Variants in ARHGAP11B observed in about 807,000 individuals in gnomAD.
The protein encoded by ARHGAP11B is Rho GTPase activating protein 11B, also known as inactive Rho GTPase-activating protein 11B.
In ARHGAP11B, 14 loss-of-function variants were observed where a neutral mutation model predicts 27.6. The observed-to-expected ratio is 0.51, with a 90% CI of 0.34 to 0.79. ARHGAP11B has a LOEUF of 0.79. Ranked by LOEUF, ARHGAP11B falls within the 30% of genes least tolerant of loss-of-function variation. ARHGAP11B has a pLI of 0.02. For synonymous variants in ARHGAP11B, 82 were observed against 114.1 expected (o/e 0.72, Z 1.80); for missense variants, 245 against 320.1 (o/e 0.77, Z 1.79).
intron 2 of ARHGAP11B, 43 bp from the exon 3 acceptor site, chr15:30,633,447 T>G: frequency 6.5e-7 from 1 of 1,537,596 alleles, no homozygotes; most frequent in South Asian, 1.1e-5. Flanking sequence ...AGGAATAGGA[T>G]GTGATATGTA....
At position 30,627,128 on chromosome 15, in the gene ARHGAP11B, C is replaced by T. The variant is rs181419294; in HGVS notation, c.129+179C>T. ...AAGTGACATTCTTGTTTTTTTTTTC[C>T]CCAAGGATTTTTGATCATTGAGAGA... is the stretch of plus-strand genomic sequence containing the variant. On this transcript the variant is annotated intron_variant, in intron 1 of 10. Transcript: ENST00000428041. Among the ~76,000 whole-genome samples, 73 of 150,928 alleles carry T rather than the reference C, an allele frequency of 4.8e-4. 1 individual carries two copies. Among genetic ancestry groups the T allele is most frequent in the Non-Finnish European group, 1.2e-4 (8 of 67,738 alleles).
chr15:30,628,734 A>G (rs2060225069), intron 1 of ARHGAP11B, among the ~76,000 whole-genome samples: 1 of 152,118 alleles, frequency 6.6e-6, no homozygotes, highest in Non-Finnish European at 1.5e-5. Flanking sequence ...TCATTGTGTT[A>G]TGAGATCTAA....
chr15:30,648,163 G>C (rs1372801587), intron 10 of ARHGAP11B, among the ~76,000 whole-genome samples: 1 of 151,992 alleles, frequency 6.6e-6, no homozygotes, highest in Admixed American at 6.6e-5. Context: ...TATTAATTTA[G>C]TTATACTTCC....
intron 7 of ARHGAP11B, among the ~76,000 whole-genome samples, chr15:30,642,434 T>C (rs1360892854): frequency 6.6e-6 from 1 of 152,026 alleles, no homozygotes; most frequent in East Asian, 1.9e-4. Flanking sequence ...GAATGTGTTA[T>C]AGAATAATTA....
At chr15:30,633,404 T>C (rs1432320697) in intron 2 of ARHGAP11B, 86 bp from the exon 3 acceptor site, 12 of 1,231,548 alleles carry the variant, frequency 9.7e-6, no homozygotes, top group African/African-American at 3.0e-5. Context: ...CTGAAAGGTC[T>C]GTAGTGCTTG....
At chr15:30,629,436 C>A (rs201797142) in intron 1 of ARHGAP11B, among the ~76,000 whole-genome samples, 4 of 151,980 alleles carry the variant, frequency 2.6e-5, no homozygotes, top group Admixed American at 2.6e-4. Context: ...CGCCTGTAGT[C>A]CCAGCTACTC....
intron 7 of ARHGAP11B, among the ~76,000 whole-genome samples, chr15:30,643,725 A>G (rs949413006): frequency 5.3e-5 from 8 of 152,042 alleles, no homozygotes; most frequent in African/African-American, 1.4e-4. Context: ...ATGAATTTGG[A>G]TTATGAGATT....
chr15:30,648,906 A>G (rs1483682717), exon 11 of ARHGAP11B: 1 of 152,080 alleles, frequency 6.6e-6, no homozygotes, highest in African/African-American at 2.4e-5. Context: ...TGGTAATAGA[A>G]AGTAGGATTT....
At chr15:30,638,077 C>T (rs969937680) in intron 6 of ARHGAP11B, among the ~76,000 whole-genome samples, 1 of 137,232 alleles carries the variant, frequency 7.3e-6, no homozygotes, top group Non-Finnish European at 1.6e-5. Flanking sequence ...GCCTTGGCCT[C>T]CCAAAATGCT....
chr15:30,648,901 A>G (rs1412867001), exon 11 of ARHGAP11B: 1 of 152,082 alleles, frequency 6.6e-6, no homozygotes, highest in Non-Finnish European at 1.5e-5. Flanking sequence ...AAATCTGGTA[A>G]TAGAAAGTAG....
intron 7 of ARHGAP11B, among the ~76,000 whole-genome samples, chr15:30,640,214 G>C (rs1013380480): frequency 7.6e-6 from 1 of 131,874 alleles, no homozygotes; most frequent in African/African-American, 2.9e-5. Context: ...TCCCAAGTGG[G>C]AGCGTTACTA....
intron 1 of ARHGAP11B, among the ~76,000 whole-genome samples, chr15:30,627,222 C>G (rs1298878287): frequency 6.6e-6 from 1 of 151,774 alleles, no homozygotes; most frequent in Non-Finnish European, 1.5e-5. Flanking sequence ...TAGGGGAAGA[C>G]GAAATGCTGT....
At chr15:30,637,510 G>A (rs1406453612) in intron 6 of ARHGAP11B, among the ~76,000 whole-genome samples, 3 of 152,038 alleles carry the variant, frequency 2.0e-5, no homozygotes, top group East Asian at 1.9e-4. Flanking sequence ...CAAGGTGGGC[G>A]GATCATGAGG....
At chr15:30,639,971 AGTGTGT>A (rs71103435) in intron 7 of ARHGAP11B, among the ~76,000 whole-genome samples, 2,949 of 143,254 alleles carry the variant, frequency 0.021, 35 homozygotes, top group African/African-American at 0.041. Flanking sequence ...TTCAATATAG[AGTGTGT>A]GTGTGTGTGT....
At chr15:30,645,730 T>G (rs2060343605) in intron 8 of ARHGAP11B, among the ~76,000 whole-genome samples, 1 of 152,072 alleles carries the variant, frequency 6.6e-6, no homozygotes, top group Admixed American at 6.6e-5. Context: ...ATTGGAACTT[T>G]TTAATAACTG....
chr15:30,647,881 A>T (rs2060360933), intron 10 of ARHGAP11B, among the ~76,000 whole-genome samples: 1 of 152,064 alleles, frequency 6.6e-6, no homozygotes, highest in African/African-American at 2.4e-5. Flanking sequence ...TATAAATTTT[A>T]GAATATTTAA....
intron 9 of ARHGAP11B, among the ~76,000 whole-genome samples, chr15:30,646,639 G>C (rs2060350069): frequency 6.6e-6 from 1 of 151,102 alleles, no homozygotes; most frequent in Admixed American, 6.6e-5. Flanking sequence ...CTCCAGCCTG[G>C]GCGACAGCGA....
At chr15:30,630,179 A>G (rs1438730681) in intron 1 of ARHGAP11B, among the ~76,000 whole-genome samples, 2 of 152,128 alleles carry the variant, frequency 1.3e-5, no homozygotes, top group Non-Finnish European at 1.5e-5. Flanking sequence ...AAGGTGGAAA[A>G]TGTATTAGGT....
intron 2 of ARHGAP11B, among the ~76,000 whole-genome samples, chr15:30,633,076 G>A (rs908901261): frequency 5.6e-4 from 84 of 150,498 alleles, no homozygotes; most frequent in African/African-American, 2.0e-3. Flanking sequence ...ACAACACACT[G>A]ACCATGGATT....
Sources: allele counts gnomAD v4.1 joint callset (sites outside exome capture counted in the v4.1 genomes callset), GRCh38; gene constraint gnomAD v4.1.1; transcripts MANE v1.5; gene names NCBI Gene and HGNC (gene_info 2026-07-23, HGNC 2026-07-21).